ZNF804B: variants seen among roughly 807,000 people sequenced by gnomAD.
ZNF804B encodes zinc finger protein 804B.
A neutral mutation model predicts 101.4 loss-of-function variants in ZNF804B; 80 were observed. That is an observed-to-expected ratio of 0.79 (90% CI 0.66 to 0.95). The LOEUF (loss-of-function observed/expected upper bound fraction) is 0.95. Ranked by LOEUF, ZNF804B falls within the 40% of genes least tolerant of loss-of-function variation. The pLI, the probability that ZNF804B is intolerant of heterozygous loss-of-function variation, is 0.00. For missense variants in ZNF804B, 1,673 were observed against 1,561.9 expected (o/e 1.07, Z -1.20); for synonymous variants, 622 against 558.8 (o/e 1.11, Z -1.59).
At chr7:88,932,465 C>A (rs1019266384) in intron 1 of ZNF804B, among the ~76,000 whole-genome samples, 1 of 151,742 alleles carries the variant, frequency 6.6e-6, no homozygotes, top group African/African-American at 2.4e-5. Flanking sequence ...AAAGCTGATT[C>A]TTTGAAAAGA....
intron 1 of ZNF804B, among the ~76,000 whole-genome samples, chr7:88,803,992 G>T (rs1790647059): frequency 3.3e-5 from 5 of 152,032 alleles, no homozygotes; most frequent in Admixed American, 6.6e-5. Flanking sequence ...GCTTATGAAG[G>T]TCACTGCAGG....
At chr7:89,319,053 C>T (rs1790774715) in intron 2 of ZNF804B, among the ~76,000 whole-genome samples, 1 of 152,184 alleles carries the variant, frequency 6.6e-6, no homozygotes, top group African/African-American at 2.4e-5. Flanking sequence ...TGCTAATTGT[C>T]TGTGGCTTAA....
chr7:89,281,210 A>G (rs924671195), intron 2 of ZNF804B, among the ~76,000 whole-genome samples: 1 of 152,210 alleles, frequency 6.6e-6, no homozygotes, highest in Non-Finnish European at 1.5e-5. Context: ...TAAATTTATT[A>G]TCAAAGTTGG....
intron 1 of ZNF804B, among the ~76,000 whole-genome samples, chr7:89,032,838 A>G (rs959466297): frequency 3.3e-5 from 5 of 152,064 alleles, no homozygotes; most frequent in African/African-American, 1.2e-4. Flanking sequence ...ATATGGTTGC[A>G]TATATTTATG....
At chr7:88,857,982 C>T (rs1791596894) in intron 1 of ZNF804B, among the ~76,000 whole-genome samples, 1 of 151,806 alleles carries the variant, frequency 6.6e-6, no homozygotes, top group African/African-American at 2.4e-5. Flanking sequence ...GCCATCATGC[C>T]CAGCTAATTT....
intron 1 of ZNF804B, among the ~76,000 whole-genome samples, chr7:89,121,633 T>C (rs1005770638): frequency 2.0e-5 from 3 of 152,266 alleles, no homozygotes; most frequent in African/African-American, 7.2e-5. Flanking sequence ...GATTAAAATA[T>C]TGACATTTCT....
intron 2 of ZNF804B, among the ~76,000 whole-genome samples, chr7:89,228,066 G>A (rs577357483): frequency 5.5e-4 from 84 of 152,184 alleles, no homozygotes; most frequent in Non-Finnish European, 1.0e-3. Context: ...GCAGACCCTC[G>A]CGGTGAGTGT....
At chr7:89,090,814 A>T (rs1026932519) in intron 1 of ZNF804B, among the ~76,000 whole-genome samples, 6 of 152,092 alleles carry the variant, frequency 3.9e-5, no homozygotes, top group Non-Finnish European at 8.8e-5. Context: ...AGGCACATGT[A>T]TGCAAGTAAA....
chr7:89,227,228 A>G lies in ZNF804B; in HGVS notation c.249+8933A>G, dbSNP rs150731512. 2.4e-3 allele frequency among the ~76,000 whole-genome samples: 359 copies of G among 152,290 alleles called. 2 individuals carry two copies. Among genetic ancestry groups the G allele is most frequent in the African/African-American group, 8.4e-3 (350 of 41,566 alleles). On this transcript the variant is annotated intron_variant, in intron 2 of 3. Coordinates refer to ENST00000333190, the MANE Select transcript of ZNF804B (RefSeq NM_181646.5). Reference sequence around the variant, plus strand: ...ATTTGGGGATCCTTGTCTATCAGTAAATGTGTTTATTCTACCCTCGCAGTT... The same window carrying G: ...ATTTGGGGATCCTTGTCTATCAGTAGATGTGTTTATTCTACCCTCGCAGTT...
At chr7:89,134,644 G>A (rs929214453) in intron 1 of ZNF804B, among the ~76,000 whole-genome samples, 2 of 152,056 alleles carry the variant, frequency 1.3e-5, no homozygotes, top group Non-Finnish European at 2.9e-5. Flanking sequence ...CCTTGACTCA[G>A]TTGAATAGAT....
intron 1 of ZNF804B, among the ~76,000 whole-genome samples, chr7:89,212,137 G>A (rs901587985): frequency 6.6e-6 from 1 of 151,860 alleles, no homozygotes; most frequent in Non-Finnish European, 1.5e-5. Context: ...GTGGACTAAA[G>A]GTGATAAAAA....
chr7:89,269,351 A>C (rs1789847913), intron 2 of ZNF804B, among the ~76,000 whole-genome samples: 1 of 152,070 alleles, frequency 6.6e-6, no homozygotes, highest in Non-Finnish European at 1.5e-5. Flanking sequence ...GCTGAGAATG[A>C]TGGTTTCCAG....
Position 89,001,371 on chromosome 7 carries a change from A to T in ZNF804B, c.109-216784A>T, listed in dbSNP as rs1335441094. On this transcript the variant is annotated intron_variant, in intron 1 of 3. Transcript: ENST00000333190. ...TTCCTTTCCTTTTCTTTTTTTTTTA[A>T]AAGCTAAATGAAAGATTTTATTAGT... 3.3e-5 allele frequency among the ~76,000 whole-genome samples: 5 copies of T among 151,266 alleles called. No individual in the cohort carries two copies. The East Asian group carries it at 7.7e-4, about 23-fold the overall frequency.
rs11982091 is a variant in ZNF804B, at chr7:89,014,797, A to G, written c.109-203358A>G. 4.8e-3 allele frequency among the ~76,000 whole-genome samples: 737 copies of G among 152,226 alleles called. 6 individuals carry two copies. The highest frequency in any genetic ancestry group is 0.016 in the African/African-American group (680 of 41,508). On this transcript the variant is annotated intron_variant, in intron 1 of 3. Coordinates refer to ENST00000333190, the MANE Select transcript of ZNF804B (RefSeq NM_181646.5). ...GTTTGCAAACATTTTCTCCCATTTC[A>G]TAGGTTGGCTTTCCACTCTGTTAAT...
rs935292538 is a variant in ZNF804B at position 88,759,869 on chromosome 7, C to T, written c.-108C>T. 2.2e-5 allele frequency: 19 copies of T among 855,484 alleles called. No homozygotes were observed. Among genetic ancestry groups the T allele is most frequent in the Non-Finnish European group, 3.7e-5 (19 of 519,766 alleles). The allele number at this position is 855,484 out of a possible 1,614,324, so 53.0% of individuals were successfully genotyped here. ...GCCTCCCCCTGCGTCCTGCTGGCCG[C>T]GTCTTCTCGGGAGGTGGTAGTCGCT... is the stretch of plus-strand genomic sequence containing the variant. On this transcript the variant is annotated 5_prime_UTR_variant, in exon 1 of 4. Transcript: ENST00000333190.
intron 1 of ZNF804B, among the ~76,000 whole-genome samples, chr7:89,210,367 C>A (rs1436834863): frequency 6.6e-6 from 1 of 152,046 alleles, no homozygotes; most frequent in Non-Finnish European, 1.5e-5. Context: ...TTCCTGGGTA[C>A]ATGCGCAGGA....
chr7:88,926,941 A>AGGGG (rs1162725576), intron 1 of ZNF804B, among the ~76,000 whole-genome samples: 1 of 84,418 alleles, frequency 1.2e-5, no homozygotes, highest in African/African-American at 4.5e-5. Context: ...GGTGGTGGGG[A>AGGGG]GCGGGGGGAA....
chr7:88,977,296 T>G (rs1793629656), intron 1 of ZNF804B, among the ~76,000 whole-genome samples: 1 of 151,402 alleles, frequency 6.6e-6, no homozygotes, highest in Non-Finnish European at 1.5e-5. Context: ...CTATTTTTTT[T>G]TTTGAATAGT....
intron 2 of ZNF804B, among the ~76,000 whole-genome samples, chr7:89,248,775 C>T (rs1789489805): frequency 6.6e-6 from 1 of 152,002 alleles, no homozygotes; most frequent in African/African-American, 2.4e-5. Flanking sequence ...CAGGATCAAC[C>T]TCACGTATCA....
Sources: gnomAD v4.1 joint callset for allele counts (sites outside exome capture counted in the v4.1 genomes callset) on GRCh38, gnomAD v4.1.1 for gene constraint, MANE v1.5 for transcripts, NCBI Gene and HGNC (gene_info 2026-07-23, HGNC 2026-07-21) for gene names.